RBMS2: variants seen among roughly 807,000 people sequenced by gnomAD.
RBMS2 encodes the protein RNA-binding motif, single-stranded-interacting protein 2.
Under a neutral mutation model 58.4 loss-of-function variants are expected in RBMS2, and 38 were observed. That is an observed-to-expected ratio of 0.65 (90% confidence interval 0.50 to 0.85). The LOEUF (loss-of-function observed/expected upper bound fraction) is 0.85, where lower values mean the gene tolerates loss of function less well. Ranked by LOEUF, RBMS2 falls within the 40% of genes least tolerant of loss-of-function variation. The pLI, the probability that RBMS2 is intolerant of heterozygous loss-of-function variation, is 0.00. For missense variants in RBMS2, 367 were observed against 503.7 expected (o/e 0.73, Z 2.60); for synonymous variants, 151 against 180.7 (o/e 0.84, Z 1.32).
chr12:56,562,293 A>C (rs1246604207), intron 1 of RBMS2, 124 bp from the exon 2 acceptor site: 4 of 896,752 alleles, frequency 4.5e-6, no homozygotes, highest in Non-Finnish European at 6.8e-6. Flanking sequence ...ATGTGTGTCC[A>C]AGTGAGTGCA....
intron 5 of RBMS2, 50 bp from the exon 6 acceptor site, chr12:56,581,134 G>A: frequency 7.0e-7 from 1 of 1,432,442 alleles, no homozygotes; most frequent in Non-Finnish European, 9.8e-7. Context: ...AATGTGTGGA[G>A]AGCACAGATC....
chr12:56,539,709 G>A (rs1875720367), intron 1 of RBMS2: 1 of 450,250 alleles, frequency 2.2e-6, no homozygotes, highest in Non-Finnish European at 4.4e-6. Context: ...CGCTCTTGTT[G>A]CCCAGACTGG....
intron 1 of RBMS2, among the ~76,000 whole-genome samples, chr12:56,541,868 G>A (rs7310284): frequency 0.35 from 52,861 of 151,920 alleles, 9,378 homozygotes; most frequent in South Asian, 0.53. Context: ...TATGCTAAAC[G>A]CTTGGCTGTC....
rs937155045 is a variant in RBMS2 at position 56,593,476 on chromosome 12, C to T, written c.*4343C>T. The T allele has an allele frequency of 6.6e-6, 1 of 152,202 alleles. No individual in the cohort carries two copies. Among genetic ancestry groups the T allele is most frequent in the African/African-American group, 2.4e-5 (1 of 41,442 alleles). The allele number at this position is 152,202 out of a possible 1,614,324, so 9.4% of individuals were successfully genotyped here. On this transcript the variant is annotated 3_prime_UTR_variant, in exon 14 of 14. Coordinates refer to ENST00000262031, the MANE Select transcript of RBMS2 (RefSeq NM_002898.4). ...CTCGAACTCCTGGGCTCAAATGATC[C>T]ACCCACCTCGGCCTCCCAAAGTGCT...
chr12:56,521,506 T>G (rs1462917132), upstream of RBMS2, among the ~76,000 whole-genome samples: 1 of 143,066 alleles, frequency 7.0e-6, no homozygotes, highest in African/African-American at 2.7e-5. Flanking sequence ...AACTCTGTTT[T>G]TTTTTTTTTT....
intron 5 of RBMS2, among the ~76,000 whole-genome samples, chr12:56,577,011 A>AG (rs1883215958): frequency 6.7e-6 from 1 of 148,718 alleles, no homozygotes; most frequent in Admixed American, 6.8e-5. Flanking sequence ...ACTGCACTCC[A>AG]GCCTGGATGA....
intron 1 of RBMS2, among the ~76,000 whole-genome samples, chr12:56,547,269 C>T (rs1279420186): frequency 3.3e-5 from 5 of 151,888 alleles, no homozygotes; most frequent in South Asian, 2.1e-4. Flanking sequence ...GCAGTAGAAT[C>T]GCTTGAACCT....
intron 1 of RBMS2, among the ~76,000 whole-genome samples, chr12:56,528,540 C>G (rs928799892): frequency 6.6e-6 from 1 of 152,038 alleles, no homozygotes; most frequent in African/African-American, 2.4e-5. Context: ...TCCACAGGCT[C>G]TATGGCAAGA....
intron 1 of RBMS2, among the ~76,000 whole-genome samples, chr12:56,549,602 C>T (rs1023386288): frequency 2.6e-5 from 4 of 152,150 alleles, no homozygotes; most frequent in East Asian, 1.9e-4. Flanking sequence ...TTTATGTCCA[C>T]GTCCCCACCA....
chr12:56,524,131 C>A (rs1872226555), intron 1 of RBMS2, among the ~76,000 whole-genome samples: 1 of 152,126 alleles, frequency 6.6e-6, no homozygotes, highest in Admixed American at 6.6e-5. Context: ...AGTTAATTAG[C>A]TTCTAAATCT....
chr12:56,545,628 A>G (rs1253788004), intron 1 of RBMS2, among the ~76,000 whole-genome samples: 1 of 152,166 alleles, frequency 6.6e-6, no homozygotes, highest in African/African-American at 2.4e-5. Flanking sequence ...TTTACTTTCT[A>G]TATCTATAGA....
intron 1 of RBMS2, among the ~76,000 whole-genome samples, chr12:56,545,792 A>G (rs1877058856): frequency 6.6e-6 from 1 of 152,162 alleles, no homozygotes; most frequent in Non-Finnish European, 1.5e-5. Context: ...TAAATATTTC[A>G]TCATATGAAT....
intron 4 of RBMS2, among the ~76,000 whole-genome samples, 179 bp from the exon 5 acceptor site, chr12:56,571,519 C>T (rs1240503741): frequency 3.3e-5 from 5 of 152,188 alleles, no homozygotes; most frequent in Admixed American, 3.3e-4. Context: ...GCACTTCTCC[C>T]TCCTGGAACT....
Position 56,562,897 on chromosome 12 carries a change from C to T in RBMS2, c.233+314C>T, listed in dbSNP as rs558182076. 4.0e-3 allele frequency among the ~76,000 whole-genome samples: 613 copies of T among 152,210 alleles called. 4 individuals carry two copies. The highest frequency in any genetic ancestry group is 0.014 in the African/African-American group (583 of 41,526). On this transcript the variant is annotated intron_variant, in intron 2 of 13. Coordinates refer to ENST00000262031, the MANE Select transcript of RBMS2 (RefSeq NM_002898.4). ...CAGCACTTTGGGAGGCCTAGGCGGG[C>T]GGATCACGAGGTCAGGAGATCGAGA...
chr12:56,543,093 C>T (rs1166908271), intron 1 of RBMS2, among the ~76,000 whole-genome samples: 1 of 152,040 alleles, frequency 6.6e-6, no homozygotes, highest in African/African-American at 2.4e-5. Flanking sequence ...AGGCTGGTCT[C>T]AAACTCCTGG....
chr12:56,534,387 T>A (rs1270271176), intron 1 of RBMS2, among the ~76,000 whole-genome samples: 2 of 152,210 alleles, frequency 1.3e-5, no homozygotes, highest in Non-Finnish European at 2.9e-5. Flanking sequence ...AGAGTGGGAT[T>A]GCTGAGCCAT....
At chr12:56,533,439 G>A (rs1874178537) in intron 1 of RBMS2, among the ~76,000 whole-genome samples, 1 of 36,936 alleles carries the variant, frequency 2.7e-5, no homozygotes, top group Non-Finnish European at 5.1e-5. Flanking sequence ...TTTTTGAGAC[G>A]GGATCTTCCT....
intron 1 of RBMS2, among the ~76,000 whole-genome samples, chr12:56,551,758 A>G (rs1878308913): frequency 1.3e-5 from 2 of 152,268 alleles, no homozygotes; most frequent in East Asian, 3.9e-4. Flanking sequence ...ATGCTTTCAG[A>G]ATAAACATGG....
At position 56,546,788 on chromosome 12, in the gene RBMS2, A is replaced by G. The variant is rs141936457; in HGVS notation, c.67-15629A>G. Among the ~76,000 whole-genome samples the G allele has an allele frequency of 2.4e-4, 37 of 152,186 alleles. No homozygotes were observed. In the East Asian group the frequency reaches 5.0e-3, roughly 21 times the overall value. On this transcript the variant is annotated intron_variant, in intron 1 of 13. Transcript: ENST00000262031. The stretch of plus-strand genomic sequence containing the variant: ...CTGGCCCTGTGTGGGCATGTTTTCA[A>G]TTCTCTTAGGTGTATACCTAGCAGT...
Sources: gnomAD v4.1 joint callset for allele counts (sites outside exome capture counted in the v4.1 genomes callset) on GRCh38, gnomAD v4.1.1 for gene constraint, MANE v1.5 for transcripts, NCBI Gene and HGNC (gene_info 2026-07-23, HGNC 2026-07-21) for gene names.